Variants in KLHL1 observed in about 807,000 individuals in gnomAD.
KLHL1 encodes kelch-like protein 1.
KLHL1 carries 47 observed loss-of-function variants against 77.7 expected under a neutral mutation model. That is an observed-to-expected ratio of 0.60 (90% confidence interval 0.48 to 0.77). KLHL1 has a LOEUF of 0.77. Among genes scored for constraint, KLHL1 ranks in the 30% least tolerant of loss-of-function variants. KLHL1 has a pLI of 0.00. For synonymous variants in KLHL1, 360 were observed against 325.2 expected (o/e 1.11, Z -1.15); for missense variants, 925 against 910.8 (o/e 1.02, Z -0.20).
At chr13:69,855,418 A>T (rs1879868994) in intron 5 of KLHL1, among the ~76,000 whole-genome samples, 1 of 152,054 alleles carries the variant, frequency 6.6e-6, no homozygotes, top group Non-Finnish European at 1.5e-5. Context: ...ACAGATAGAG[A>T]TAGAGACAGA....
chr13:69,761,055 G>A (rs999997492), intron 7 of KLHL1, among the ~76,000 whole-genome samples: 1 of 152,054 alleles, frequency 6.6e-6, no homozygotes, highest in Non-Finnish European at 1.5e-5. Flanking sequence ...GAGTTGCCAG[G>A]AAAAGCTTAA....
chr13:69,701,000 G>T lies in KLHL1; in HGVS notation c.*702C>A, dbSNP rs998093227. ...GTGTGTTAAAAAAGCAAAGCAAAATGGTAAGCCTAGTGAAAACAATCCTTT... is the reference window on the plus strand; with the variant it reads ...GTGTGTTAAAAAAGCAAAGCAAAATTGTAAGCCTAGTGAAAACAATCCTTT... On this transcript the variant is annotated 3_prime_UTR_variant, in exon 11 of 11. Transcript: ENST00000377844. The T allele has an allele frequency of 6.6e-6, 1 of 152,242 alleles. No homozygotes were observed. Among genetic ancestry groups the T allele is most frequent in the Non-Finnish European group, 1.5e-5 (1 of 67,820 alleles). The allele number at this position is 152,242 out of a possible 1,614,324, so 9.4% of individuals were successfully genotyped here. A position where few individuals can be genotyped will look rare whatever the true frequency, so the allele number is the denominator to read the frequency against.
intron 5 of KLHL1, among the ~76,000 whole-genome samples, chr13:69,847,572 C>A (rs189555443): frequency 6.6e-6 from 1 of 151,334 alleles, no homozygotes; most frequent in African/African-American, 2.4e-5. Context: ...ATATTATAGA[C>A]CAAAGAAAAA....
intron 5 of KLHL1, among the ~76,000 whole-genome samples, chr13:69,840,444 G>A (rs1355277676): frequency 1.3e-5 from 2 of 151,792 alleles, no homozygotes; most frequent in African/African-American, 2.4e-5. Flanking sequence ...GGCTAGTCTC[G>A]AACTCCTGAC....
At chr13:70,071,270 A>T (rs535000253) in intron 1 of KLHL1, among the ~76,000 whole-genome samples, 15 of 152,214 alleles carry the variant, frequency 9.9e-5, no homozygotes, top group African/African-American at 2.9e-4. Flanking sequence ...AGATATAAAG[A>T]GCAGCACTAC....
intron 1 of KLHL1, among the ~76,000 whole-genome samples, chr13:69,990,431 A>T (rs1323245003): frequency 6.6e-6 from 1 of 152,048 alleles, no homozygotes; most frequent in Non-Finnish European, 1.5e-5. Context: ...GACCCATCTC[A>T]TCTGCAATGA....
rs140631432 is a variant in KLHL1 at position 69,996,471 on chromosome 13, C to A, written c.498-20669G>T. 5.1e-4 allele frequency among the ~76,000 whole-genome samples: 77 copies of A among 152,134 alleles called. 2 individuals carry two copies. In the East Asian group the frequency reaches 0.012, roughly 24 times the overall value. ...AATGAAGATAATTGAAGCTGATACT[C>A]CAGATGTGATATTTTTACATCAGAA... On this transcript the variant is annotated intron_variant, in intron 1 of 10. Coordinates refer to ENST00000377844, the MANE Select transcript of KLHL1 (RefSeq NM_020866.3).
chr13:70,098,410 A>G (rs1887843925), intron 1 of KLHL1, among the ~76,000 whole-genome samples: 2 of 152,046 alleles, frequency 1.3e-5, no homozygotes, highest in South Asian at 4.1e-4. Flanking sequence ...TATTTGAAAC[A>G]CAGGTAGTAC....
intron 1 of KLHL1, 43 bp downstream of exon 1, chr13:70,107,160 G>A: frequency 6.5e-7 from 1 of 1,540,772 alleles, no homozygotes; most frequent in Non-Finnish European, 8.7e-7. Flanking sequence ...GAAATGAGTG[G>A]AAATTGAGAG....
At chr13:69,715,581 C>T (rs188392750) in intron 9 of KLHL1, among the ~76,000 whole-genome samples, 125 of 151,390 alleles carry the variant, frequency 8.3e-4, no homozygotes, top group African/African-American at 2.8e-3. Context: ...AGTGCAGTGG[C>T]GCGATCTCGG....
At chr13:69,756,094 A>G (rs1178061073) in intron 7 of KLHL1, among the ~76,000 whole-genome samples, 2 of 152,102 alleles carry the variant, frequency 1.3e-5, no homozygotes, top group Non-Finnish European at 2.9e-5. Context: ...TCACTTCAAA[A>G]GGAACCTGAG....
At chr13:69,988,071 T>C (rs1358364883) in intron 1 of KLHL1, among the ~76,000 whole-genome samples, 3 of 152,004 alleles carry the variant, frequency 2.0e-5, no homozygotes, top group African/African-American at 7.2e-5. Flanking sequence ...ACAAGCATAA[T>C]ACTAAATAGC....
chr13:69,741,924 A>C (rs1035203424), intron 7 of KLHL1, among the ~76,000 whole-genome samples: 1 of 152,148 alleles, frequency 6.6e-6, no homozygotes, highest in African/African-American at 2.4e-5. Context: ...CTACTTTTTG[A>C]AATAAAGACA....
intron 4 of KLHL1, among the ~76,000 whole-genome samples, chr13:69,901,642 A>G (rs761306236): frequency 1.1e-4 from 16 of 152,190 alleles, no homozygotes; most frequent in Non-Finnish European, 1.8e-4. Flanking sequence ...TAGTGATCAA[A>G]TTTTTGAATG....
intron 1 of KLHL1, among the ~76,000 whole-genome samples, chr13:70,043,935 A>G (rs1290363811): frequency 1.3e-5 from 2 of 152,170 alleles, no homozygotes; most frequent in East Asian, 3.9e-4. Flanking sequence ...CACTTCTGCA[A>G]TTGTTCCCTA....
At chr13:69,804,654 C>G (rs1465813903) in intron 6 of KLHL1, among the ~76,000 whole-genome samples, 2 of 151,982 alleles carry the variant, frequency 1.3e-5, no homozygotes, top group East Asian at 3.9e-4. Flanking sequence ...CAATGGGTGG[C>G]AGTGAGAAAA....
At chr13:69,806,704 T>C (rs1317801524) in intron 6 of KLHL1, among the ~76,000 whole-genome samples, 4 of 152,154 alleles carry the variant, frequency 2.6e-5, no homozygotes, top group African/African-American at 9.7e-5. Context: ...TACATGGAGC[T>C]GCCTAAAGAT....
At chr13:69,781,851 T>A (rs7990106) in intron 7 of KLHL1, among the ~76,000 whole-genome samples, 16,164 of 152,164 alleles carry the variant, frequency 0.11, 966 homozygotes, top group African/African-American at 0.15. Context: ...TGGCTATAAA[T>A]GGGATATTAA....
At chr13:69,704,905 C>G (rs182384542) in intron 10 of KLHL1, among the ~76,000 whole-genome samples, 171 of 151,730 alleles carry the variant, frequency 1.1e-3, no homozygotes, top group African/African-American at 3.9e-3. Context: ...ATATCATTAT[C>G]AATATATCTT....
Sources: allele counts gnomAD v4.1 joint callset (sites outside exome capture counted in the v4.1 genomes callset), GRCh38; gene constraint gnomAD v4.1.1; transcripts MANE v1.5; gene names NCBI Gene and HGNC (gene_info 2026-07-23, HGNC 2026-07-21).